Variants in MAML3 observed in about 807,000 individuals in gnomAD.
MAML3 encodes mastermind-like protein 3.
A neutral mutation model predicts 101.9 loss-of-function variants in MAML3; 27 were observed. The observed-to-expected ratio is 0.27, with a 90% CI of 0.20 to 0.37. MAML3 has a LOEUF of 0.37. Ranked by LOEUF, MAML3 falls within the 10% of genes least tolerant of loss-of-function variation. The pLI, the probability that MAML3 is intolerant of heterozygous loss-of-function variation, is 1.00. For missense variants in MAML3, 1,316 were observed against 1,444.9 expected (o/e 0.91, Z 1.45); for synonymous variants, 501 against 555.9 (o/e 0.90, Z 1.39).
chr4:140,014,984 A>G (rs141222057), intron 1 of MAML3, among the ~76,000 whole-genome samples: 1 of 152,268 alleles, frequency 6.6e-6, no homozygotes, highest in Admixed American at 6.5e-5. Context: ...TTAAAACTGA[A>G]AAGTATTTCA....
chr4:140,133,957 A>G (rs1468795753), intron 1 of MAML3: 3 of 358,254 alleles, frequency 8.4e-6, no homozygotes, highest in African/African-American at 4.3e-5. Context: ...CTCAAAATGT[A>G]TGATCATTTT....
In MAML3 at chr4:139,889,482, GCGGC is replaced by G. The variant is rs778814336; in HGVS notation, c.1950_1953del (p.Gln650HisfsTer13). On this transcript the variant is annotated frameshift_variant, in exon 2 of 5. Transcript: ENST00000509479. LOFTEE classifies it high-confidence loss of function. ...CTGGGGGCCTGGAGCTGTGGAGGTG[GCGGC>G]TGCTGCTGCTGCTGCTGCTGCTGTT... The G allele has an allele frequency of 2.4e-5, 39 of 1,610,844 alleles. No homozygotes were observed. In the Admixed American group the frequency reaches 2.7e-4, roughly 11 times the overall value.
In MAML3 at chr4:139,890,599, G is replaced by A. The variant is rs1330368666; in HGVS notation, c.837C>T (p.Leu279=). ...LQSKDLKQEP[L]DDPTCIDTSE... ...ATGTGTCTATGCAAGTAGGGTCATCGAGAGGTTCTTGTTTGAGGTCTTTGC... is the reference window on the plus strand; with the variant it reads ...ATGTGTCTATGCAAGTAGGGTCATCAAGAGGTTCTTGTTTGAGGTCTTTGC... Residue 279 remains leucine (L), a synonymous_variant, in exon 2 of 5, where the codon CTC becomes CTT. Transcript: ENST00000509479. This position sits in a 1 kb window ranked among gnomAD's most constrained non-coding sequence, Gnocchi z 4.1. 6.2e-6 allele frequency: 10 copies of A among 1,613,996 alleles called. No individual in the cohort carries two copies. The highest frequency in any genetic ancestry group is 3.3e-5 in the Admixed American group (2 of 60,020).
chr4:139,828,036 T>C (rs1275593684), intron 2 of MAML3, among the ~76,000 whole-genome samples: 1 of 152,274 alleles, frequency 6.6e-6, no homozygotes, highest in East Asian at 1.9e-4. Flanking sequence ...GCTGCCAAGA[T>C]GTTATTTGTC....
At chr4:139,826,120 T>C (rs1731056535) in intron 2 of MAML3, among the ~76,000 whole-genome samples, 1 of 151,858 alleles carries the variant, frequency 6.6e-6, no homozygotes, top group Non-Finnish European at 1.5e-5. Flanking sequence ...AGAAGCTTTT[T>C]CCTTCGCACG....
At chr4:140,119,427 T>C (rs1728567348) in intron 1 of MAML3, among the ~76,000 whole-genome samples, 1 of 152,200 alleles carries the variant, frequency 6.6e-6, no homozygotes, top group Non-Finnish European at 1.5e-5. Flanking sequence ...TACCTTTCTT[T>C]CTCACATCTC....
intron 1 of MAML3, among the ~76,000 whole-genome samples, chr4:139,912,275 G>A (rs1732938769): frequency 6.6e-6 from 1 of 152,140 alleles, no homozygotes; most frequent in South Asian, 2.1e-4. Context: ...ATGGGGAGAG[G>A]TGGAGACAAA....
rs148752142 is a variant in MAML3 at position 140,132,317 on chromosome 4, A to T, written c.468+20543T>A. Reference sequence around the variant, plus strand: ...TATTAGTGTGTTGACACTCGTTGCAAAGCTTGGCCTATCTCAACAAGTCAC... The same window carrying T: ...TATTAGTGTGTTGACACTCGTTGCATAGCTTGGCCTATCTCAACAAGTCAC... On this transcript the variant is annotated intron_variant, in intron 1 of 4. Coordinates refer to ENST00000509479, the MANE Select transcript of MAML3 (RefSeq NM_018717.5). Among the ~76,000 whole-genome samples, 323 of 152,376 alleles carry T rather than the reference A, an allele frequency of 2.1e-3. 2 individuals are homozygous for T. Among genetic ancestry groups the T allele is most frequent in the East Asian group, 0.015 (80 of 5,184 alleles).
intron 1 of MAML3, among the ~76,000 whole-genome samples, chr4:140,074,229 G>GAAAGAA (rs1727726744): frequency 6.7e-6 from 1 of 150,350 alleles, no homozygotes; most frequent in Non-Finnish European, 1.5e-5. Flanking sequence ...AAGAAAGAAA[G>GAAAGAA]AAAGAAAGAA....
At chr4:139,725,896 A>T in intron 3 of MAML3, 61 bp from the exon 4 acceptor site, 6 of 1,369,054 alleles carry the variant, frequency 4.4e-6, no homozygotes, top group Non-Finnish European at 3.1e-6. Context: ...ACACAATTCA[A>T]TATCCCAGCA....
At chr4:139,889,169 C>T (rs1167774767) in intron 2 of MAML3, 188 bp downstream of exon 2, 1 of 1,102,872 alleles carries the variant, frequency 9.1e-7, no homozygotes, top group Non-Finnish European at 1.4e-6. Context: ...TATCATGCCA[C>T]CCTTTTCCAT....
chr4:140,017,581 T>C lies in MAML3; in HGVS notation c.469-126614A>G, dbSNP rs368745553. Among the ~76,000 whole-genome samples the C allele has an allele frequency of 1.6e-4, 24 of 152,052 alleles. No homozygotes were observed. In the East Asian group the frequency reaches 2.3e-3, roughly 15 times the overall value. On this transcript the variant is annotated intron_variant, in intron 1 of 4. Coordinates refer to ENST00000509479, the MANE Select transcript of MAML3 (RefSeq NM_018717.5). ...AAGGGATGAATGCTTAAACAAAGTATTGCATATCCATACTATGGCATACTA... is the reference window on the plus strand; with the variant it reads ...AAGGGATGAATGCTTAAACAAAGTACTGCATATCCATACTATGGCATACTA...
chr4:139,973,668 C>T (rs1734268871), intron 1 of MAML3, among the ~76,000 whole-genome samples: 1 of 152,214 alleles, frequency 6.6e-6, no homozygotes, highest in South Asian at 2.1e-4. Context: ...AGGCCACCAA[C>T]ATCTGTGAAT....
chr4:139,919,115 T>C (rs1055374901), intron 1 of MAML3, among the ~76,000 whole-genome samples: 1 of 151,966 alleles, frequency 6.6e-6, no homozygotes, highest in African/African-American at 2.4e-5. Flanking sequence ...TCAGAAAAAA[T>C]ATTCTGGCAG....
chr4:140,031,131 A>G (rs1726901029), intron 1 of MAML3, among the ~76,000 whole-genome samples: 1 of 152,212 alleles, frequency 6.6e-6, no homozygotes, highest in Non-Finnish European at 1.5e-5. Context: ...TAGTCCCACT[A>G]TATTAGAAAA....
chr4:139,967,618 A>T (rs1279093744), intron 1 of MAML3, among the ~76,000 whole-genome samples: 1 of 151,834 alleles, frequency 6.6e-6, no homozygotes, highest in Non-Finnish European at 1.5e-5. Context: ...AGGCCTGAAG[A>T]GTTCTTGAGG....
At chr4:140,083,953 CACACACACACACACAGAGAGAGAG>C (rs1298254354) in intron 1 of MAML3, among the ~76,000 whole-genome samples, 2 of 26,512 alleles carry the variant, frequency 7.5e-5, no homozygotes, top group Non-Finnish European at 1.6e-4. Context: ...CACACACACA[CACACACACACACACAGAGAGAGAG>C]AGAGAGAGAG....
chr4:140,024,617 C>A (rs1309471106), intron 1 of MAML3, among the ~76,000 whole-genome samples: 1 of 152,156 alleles, frequency 6.6e-6, no homozygotes, highest in Non-Finnish European at 1.5e-5. Flanking sequence ...CTCTGCTATT[C>A]AACCTCTTGC....
chr4:139,852,945 C>T (rs569411107), intron 2 of MAML3, among the ~76,000 whole-genome samples: 3 of 152,298 alleles, frequency 2.0e-5, no homozygotes, highest in Admixed American at 2.0e-4. Context: ...TGATGGGCCT[C>T]AGTTCTCTTA....
Sources: gnomAD v4.1 joint callset for allele counts (sites outside exome capture counted in the v4.1 genomes callset) on GRCh38, gnomAD v4.1.1 for gene constraint, Gnocchi (gnomAD v3.1) non-coding constraint, MANE v1.5 for transcripts, NCBI Gene and HGNC (gene_info 2026-07-23, HGNC 2026-07-21) for gene names.